Variants in MACROD1 observed in about 807,000 individuals in gnomAD.
The protein encoded by MACROD1 is ADP-ribose glycohydrolase MACROD1.
MACROD1 carries 31 observed loss-of-function variants against 41.4 expected under a neutral mutation model. The observed-to-expected ratio is 0.75, with a 90% CI of 0.56 to 1.01. The LOEUF (loss-of-function observed/expected upper bound fraction) is 1.01, where lower values mean the gene tolerates loss of function less well. Ranked by LOEUF, MACROD1 falls within the 50% of genes least tolerant of loss-of-function variation. MACROD1 has a pLI of 0.00. For synonymous variants in MACROD1, 252 were observed against 203.4 expected, an observed-to-expected ratio of 1.24 and a Z score of -2.03; for missense variants, 473 against 460.0, an observed-to-expected ratio of 1.03 and a Z score of -0.26.
At chr11:64,050,879 A>G (rs563443101) in intron 3 of MACROD1, among the ~76,000 whole-genome samples, 22 of 152,272 alleles carry the variant, frequency 1.4e-4, no homozygotes, top group Non-Finnish European at 3.1e-4. Flanking sequence ...TTGGCTTTCC[A>G]AAGTGCTGGG....
chr11:64,057,238 C>T (rs1037370031), intron 3 of MACROD1, among the ~76,000 whole-genome samples: 6 of 152,222 alleles, frequency 3.9e-5, no homozygotes, highest in Admixed American at 6.5e-5. Context: ...GGGGGCTGAA[C>T]GTAGGGGACG....
At chr11:64,081,086 A>T (rs1310973904) in intron 3 of MACROD1, among the ~76,000 whole-genome samples, 1 of 152,162 alleles carries the variant, frequency 6.6e-6, no homozygotes, top group Non-Finnish European at 1.5e-5. Context: ...CAGTGGCATG[A>T]TCTCAGCTCA....
At chr11:64,132,566 C>T (rs544406705) in intron 3 of MACROD1, among the ~76,000 whole-genome samples, 7 of 152,106 alleles carry the variant, frequency 4.6e-5, no homozygotes, top group African/African-American at 1.7e-4. Context: ...AGCGGCTCCT[C>T]GGGGTCTGGC....
chr11:64,139,197 C>T (rs868712831), intron 3 of MACROD1, among the ~76,000 whole-genome samples: 2 of 152,208 alleles, frequency 1.3e-5, no homozygotes, highest in Admixed American at 1.3e-4. Context: ...TGTCCTGGTG[C>T]CCATCCTCCC....
chr11:64,116,772 G>C, intron 3 of MACROD1: 1 of 1,613,630 alleles, frequency 6.2e-7, no homozygotes. Flanking sequence ...CGTCAGCATT[G>C]AGGAGGACGC....
At chr11:64,016,680 G>T (rs948500718) in intron 3 of MACROD1, among the ~76,000 whole-genome samples, 1 of 152,264 alleles carries the variant, frequency 6.6e-6, no homozygotes, top group Non-Finnish European at 1.5e-5. Flanking sequence ...GCTGCAAGTT[G>T]CCATGTTACT....
chr11:64,089,456 G>A (rs973297554), intron 3 of MACROD1, among the ~76,000 whole-genome samples: 5 of 152,228 alleles, frequency 3.3e-5, no homozygotes, highest in Non-Finnish European at 7.3e-5. Context: ...CGGAGCAGGG[G>A]TGGGATTCAA....
chr11:64,071,168 C>A (rs1377276822), intron 3 of MACROD1, among the ~76,000 whole-genome samples: 1 of 152,082 alleles, frequency 6.6e-6, no homozygotes, highest in Non-Finnish European at 1.5e-5. Context: ...AAATAACCTC[C>A]TCTAAGGCCC....
intron 3 of MACROD1, among the ~76,000 whole-genome samples, chr11:64,021,739 C>T (rs2134350187): frequency 6.6e-6 from 1 of 151,980 alleles, no homozygotes; most frequent in South Asian, 2.1e-4. Context: ...CGGATCTCAG[C>T]CTTCTGTTCT....
chr11:64,078,191 CAGAA>C (rs1015387725), intron 3 of MACROD1, among the ~76,000 whole-genome samples: 1 of 152,220 alleles, frequency 6.6e-6, no homozygotes. Flanking sequence ...CCCAGAGATG[CAGAA>C]AGAACTGGCC....
intron 4 of MACROD1, among the ~76,000 whole-genome samples, chr11:64,008,652 G>GAC (rs1473249913): frequency 2.0e-5 from 3 of 152,160 alleles, no homozygotes; most frequent in Non-Finnish European, 4.4e-5. Context: ...CGGTGTAGGA[G>GAC]ACACACACAC....
At chr11:64,084,085 C>T (rs2134500881) in intron 3 of MACROD1, among the ~76,000 whole-genome samples, 2 of 152,320 alleles carry the variant, frequency 1.3e-5, no homozygotes, top group Non-Finnish European at 2.9e-5. Context: ...CCCTGCCATC[C>T]TGCACACGGG....
rs1369121008 is a variant in MACROD1, at chr11:64,096,860, A to C, written c.517+54379T>G. 1.3e-5 allele frequency among the ~76,000 whole-genome samples: 2 copies of C among 152,112 alleles called. No homozygotes were observed. The highest frequency in any genetic ancestry group is 2.9e-5 in the Non-Finnish European group (2 of 68,028). Reference sequence around the variant, plus strand: ...GCACACTGCCAGCTGTGTCCCTTCGAGGGCCTCCCCCGGCAGAGCTGAGAG... The same window carrying C: ...GCACACTGCCAGCTGTGTCCCTTCGCGGGCCTCCCCCGGCAGAGCTGAGAG... On this transcript the variant is annotated intron_variant, in intron 3 of 10. Coordinates refer to ENST00000255681, the MANE Select transcript of MACROD1 (RefSeq NM_014067.4). The surrounding 1 kb of genome is among the most constrained non-coding windows in gnomAD (Gnocchi z 4.6).
chr11:64,018,645 G>A (rs1418779105), intron 3 of MACROD1, among the ~76,000 whole-genome samples: 2 of 152,172 alleles, frequency 1.3e-5, no homozygotes, highest in African/African-American at 2.4e-5. Flanking sequence ...GCTAGTTCCT[G>A]GCCACCGGCT....
Position 64,083,845 on chromosome 11 carries a change from C to T in MACROD1, c.517+67394G>A, listed in dbSNP as rs556626494. The stretch of plus-strand genomic sequence containing the variant: ...AACAGACCGACGGATCTGCCAGGGC[C>T]GGTGAGGGGCGCTGACCTGGGGGGT... On this transcript the variant is annotated intron_variant, in intron 3 of 10. Transcript: ENST00000255681. Among the ~76,000 whole-genome samples the T allele has an allele frequency of 5.9e-5, 9 of 152,270 alleles. No individual in the cohort carries two copies. In the South Asian group the frequency reaches 1.2e-3, roughly 21 times the overall value.
chr11:64,063,121 C>G lies in MACROD1; in HGVS notation c.518-47840G>C, dbSNP rs377225664. Among the ~76,000 whole-genome samples the G allele has an allele frequency of 1.6e-4, 25 of 152,268 alleles. No homozygotes were observed. The East Asian group carries it at 4.4e-3, about 27-fold the overall frequency. Reference sequence around the variant, plus strand: ...AAACTTCAGAGAACAACGCGGGCAGCAGAGAGGCCACCCTATGGTGATCAA... The same window carrying G: ...AAACTTCAGAGAACAACGCGGGCAGGAGAGAGGCCACCCTATGGTGATCAA... On this transcript the variant is annotated intron_variant, in intron 3 of 10. Transcript: ENST00000255681.
Position 64,096,850 on chromosome 11 carries a change from T to G in MACROD1, c.517+54389A>C, listed in dbSNP as rs1417531241. Among the ~76,000 whole-genome samples, 1 of 152,204 alleles carries G rather than the reference T, an allele frequency of 6.6e-6. No individual in the cohort carries two copies. Among genetic ancestry groups the G allele is most frequent in the Non-Finnish European group, 1.5e-5 (1 of 68,030 alleles). On this transcript the variant is annotated intron_variant, in intron 3 of 10. Transcript: ENST00000255681. This position sits in a 1 kb window ranked among gnomAD's most constrained non-coding sequence, Gnocchi z 4.6. ...TACCCTCCAAGCACACTGCCAGCTG[T>G]GTCCCTTCGAGGGCCTCCCCCGGCA...
chr11:64,162,916 C>A (rs538743689), intron 1 of MACROD1, among the ~76,000 whole-genome samples: 3 of 152,086 alleles, frequency 2.0e-5, no homozygotes, highest in African/African-American at 7.2e-5. Context: ...GTCCGGAGAT[C>A]AAGACCATCC....
intron 3 of MACROD1, among the ~76,000 whole-genome samples, chr11:64,134,541 G>A (rs1323032024): frequency 1.3e-5 from 2 of 152,292 alleles, no homozygotes; most frequent in East Asian, 3.9e-4. Context: ...GCAGAGAGGA[G>A]CCCTGTTTAC....
Sources: gnomAD v4.1 joint callset for allele counts (sites outside exome capture counted in the v4.1 genomes callset) on GRCh38, gnomAD v4.1.1 for gene constraint, Gnocchi (gnomAD v3.1) non-coding constraint, MANE v1.5 for transcripts, NCBI Gene and HGNC (gene_info 2026-07-23, HGNC 2026-07-21) for gene names.